AGBL1: variants seen among roughly 807,000 people sequenced by gnomAD.
The protein encoded by AGBL1 is AGBL carboxypeptidase 1, also known as cytosolic carboxypeptidase 4.
AGBL1 carries 130 observed loss-of-function variants against 118.9 expected under a neutral mutation model. That is an observed-to-expected ratio of 1.09 (90% confidence interval 0.95 to 1.26). AGBL1 has a LOEUF of 1.26. Ranked by LOEUF, AGBL1 falls within the 50% of genes most tolerant of loss-of-function variation. AGBL1 has a pLI of 0.00. For missense variants in AGBL1, 1,584 were observed against 1,298.1 expected (o/e 1.22, Z -3.38); for synonymous variants, 555 against 478.9 (o/e 1.16, Z -2.08).
chr15:86,834,709 T>G (rs2079148811), intron 22 of AGBL1, among the ~76,000 whole-genome samples: 1 of 152,120 alleles, frequency 6.6e-6, no homozygotes, highest in African/African-American at 2.4e-5. Flanking sequence ...CGGCATGGAC[T>G]TTGACCCACT....
rs77687689 is a variant in AGBL1, at chr15:86,170,385, A to C, written c.488+11359A>C. ...GGGACAACTTCAAGCAGCCCAGTAC[A>C]TATAATTTGAGCCACTGGGGAGAGG... On this transcript the variant is annotated intron_variant, in intron 5 of 22. Transcript: ENST00000614907. 8.6e-3 allele frequency among the ~76,000 whole-genome samples: 1,310 copies of C among 152,314 alleles called. 6 individuals carry two copies. The highest frequency in any genetic ancestry group is 0.012 in the Non-Finnish European group (843 of 68,030).
At chr15:86,412,797 C>G (rs1306908172) in intron 18 of AGBL1, among the ~76,000 whole-genome samples, 1 of 152,150 alleles carries the variant, frequency 6.6e-6, no homozygotes, top group Non-Finnish European at 1.5e-5. Flanking sequence ...ACTATCACCA[C>G]CACCATCAGT....
intron 19 of AGBL1, among the ~76,000 whole-genome samples, chr15:86,532,580 T>C (rs1453222651): frequency 7.1e-6 from 1 of 140,888 alleles, no homozygotes; most frequent in Non-Finnish European, 1.5e-5. Context: ...AAGCTACCAA[T>C]GACTTTCTTC....
At chr15:86,928,677 T>C (rs996045944) in intron 23 of AGBL1, among the ~76,000 whole-genome samples, 6 of 152,188 alleles carry the variant, frequency 3.9e-5, no homozygotes, top group African/African-American at 1.4e-4. Flanking sequence ...TATATCCTTT[T>C]GGTCATTTTG....
chr15:86,780,201 C>T (rs914410419), intron 22 of AGBL1, among the ~76,000 whole-genome samples: 1 of 5,670 alleles, frequency 1.8e-4, no homozygotes, highest in Non-Finnish European at 9.5e-4. Context: ...CCATTGACAT[C>T]AGTTGGCACA....
At chr15:86,144,684 G>C (rs931075477) in intron 3 of AGBL1, among the ~76,000 whole-genome samples, 3 of 152,170 alleles carry the variant, frequency 2.0e-5, no homozygotes, top group Non-Finnish European at 4.4e-5. Flanking sequence ...TAAGAGGAGG[G>C]AGAGGCTTAG....
chr15:86,675,479 C>G (rs2085824555), intron 22 of AGBL1, among the ~76,000 whole-genome samples: 1 of 152,124 alleles, frequency 6.6e-6, no homozygotes, highest in Non-Finnish European at 1.5e-5. Flanking sequence ...AACTTGCTCA[C>G]CACACTGGGC....
At chr15:86,601,119 G>A (rs2084486272) in intron 21 of AGBL1, among the ~76,000 whole-genome samples, 1 of 152,130 alleles carries the variant, frequency 6.6e-6, no homozygotes, top group Admixed American at 6.6e-5. Flanking sequence ...CCCTTATGGA[G>A]GGAACAGTTG....
chr15:86,925,490 G>A (rs1204513321), intron 23 of AGBL1, among the ~76,000 whole-genome samples: 1 of 152,044 alleles, frequency 6.6e-6, no homozygotes, highest in Admixed American at 6.5e-5. Context: ...AATAACACCA[G>A]TCCTAAGTAT....
chr15:86,682,332 A>G (rs2085975511), intron 22 of AGBL1, among the ~76,000 whole-genome samples: 1 of 152,216 alleles, frequency 6.6e-6, no homozygotes, highest in African/African-American at 2.4e-5. Context: ...ATAGCAAAAA[A>G]CAAACAAACA....
chr15:86,556,400 G>T, intron 21 of AGBL1: 1 of 875,638 alleles, frequency 1.1e-6, no homozygotes, highest in East Asian at 2.6e-5. Context: ...GCCAGACCTG[G>T]TTTTGGTTTA....
At chr15:86,456,252 A>C (rs2082257145) in intron 18 of AGBL1, among the ~76,000 whole-genome samples, 1 of 152,212 alleles carries the variant, frequency 6.6e-6, no homozygotes, top group African/African-American at 2.4e-5. Flanking sequence ...CATTTATCTG[A>C]ATAATGTTCT....
chr15:86,134,780 A>AT lies in AGBL1; in HGVS notation c.52-7217dup, dbSNP rs553937534. ...AGGCACGTGCCACTACGCCCAGTTAATTTTTTTAATTTTTAGGAGAGATGG... is the reference window on the plus strand; with the variant it reads ...AGGCACGTGCCACTACGCCCAGTTAATTTTTTTTAATTTTTAGGAGAGATGG... On this transcript the variant is annotated intron_variant, in intron 1 of 22. Transcript: ENST00000614907. Among the ~76,000 whole-genome samples the AT allele has an allele frequency of 5.8e-4, 88 of 151,316 alleles. 1 individual carries two copies. The highest frequency in any genetic ancestry group is 1.0e-3 in the Non-Finnish European group (70 of 67,782).
Position 86,442,311 on chromosome 15 carries a change from T to C in AGBL1, c.2555+44765T>C, listed in dbSNP as rs530571761. 4.0e-4 allele frequency among the ~76,000 whole-genome samples: 61 copies of C among 152,352 alleles called. No homozygotes were observed. In the East Asian group the frequency reaches 0.01, roughly 26 times the overall value. ...GGGCTACAGTATAATGGAATGAGCC[T>C]GAGCCTCTGAATCAGACAGAGCTGG... On this transcript the variant is annotated intron_variant, in intron 18 of 22. Coordinates refer to ENST00000614907, the MANE Select transcript of AGBL1 (RefSeq NM_001386094.1).
intron 20 of AGBL1, among the ~76,000 whole-genome samples, chr15:86,546,726 G>A (rs1387901312): frequency 6.6e-6 from 1 of 152,144 alleles, no homozygotes; most frequent in Non-Finnish European, 1.5e-5. Flanking sequence ...GAGCTCAACT[G>A]TTCCTCCATG....
chr15:86,375,920 TG>T (rs1243676335), intron 17 of AGBL1, among the ~76,000 whole-genome samples: 2 of 152,062 alleles, frequency 1.3e-5, no homozygotes, highest in African/African-American at 4.8e-5. Context: ...AAAGGAAGGG[TG>T]GAGTCCTATT....
chr15:86,824,564 T>C (rs1201224538), intron 22 of AGBL1, among the ~76,000 whole-genome samples: 2 of 152,118 alleles, frequency 1.3e-5, no homozygotes, highest in Non-Finnish European at 2.9e-5. Flanking sequence ...GGAAGTTTTT[T>C]TTTTTCATGA....
intron 6 of AGBL1, among the ~76,000 whole-genome samples, chr15:86,242,577 C>T (rs768061225): frequency 5.3e-5 from 8 of 152,168 alleles, no homozygotes; most frequent in Non-Finnish European, 8.8e-5. Context: ...CAGATTAGGA[C>T]ATGCAAGGCA....
intron 5 of AGBL1, among the ~76,000 whole-genome samples, chr15:86,208,329 C>G (rs758626358): frequency 6.6e-6 from 1 of 152,146 alleles, no homozygotes; most frequent in African/African-American, 2.4e-5. Flanking sequence ...ATGATGCTGA[C>G]CTCATAAAAT....
Sources: gnomAD v4.1 joint callset for allele counts (sites outside exome capture counted in the v4.1 genomes callset) on GRCh38, gnomAD v4.1.1 for gene constraint, MANE v1.5 for transcripts, NCBI Gene and HGNC (gene_info 2026-07-23, HGNC 2026-07-21) for gene names.